CNFN: variants seen among roughly 807,000 people sequenced by gnomAD.
CNFN encodes the protein cornifelin, also known as cornefied envelope protein cornefilin.
A neutral mutation model predicts 14.9 loss-of-function variants in CNFN; 10 were observed. The observed-to-expected ratio is 0.67, with a 90% CI of 0.41 to 1.14. The LOEUF (loss-of-function observed/expected upper bound fraction) is 1.14, where lower values mean the gene tolerates loss of function less well. Among genes scored for constraint, CNFN ranks in the 50% most tolerant of loss-of-function variants. CNFN has a pLI of 0.00. For synonymous variants in CNFN, 66 were observed against 60.0 expected (o/e 1.10, Z -0.46); for missense variants, 165 against 152.8 (o/e 1.08, Z -0.42).
chr19:42,388,301 C>G (rs1019830214), intron 2 of CNFN, among the ~76,000 whole-genome samples: 1 of 151,870 alleles, frequency 6.6e-6, no homozygotes, highest in African/African-American at 2.4e-5. Flanking sequence ...TCAATCAATT[C>G]TCTTTCTCAG....
At chr19:42,389,488 C>G in intron 1 of CNFN, 1 of 1,290,930 alleles carries the variant, frequency 7.7e-7, no homozygotes, top group South Asian at 1.2e-5. Flanking sequence ...AGCGGTCCCA[C>G]CTTTGCCTTT....
chr19:42,389,967 C>A (rs1015359336), intron 1 of CNFN, among the ~76,000 whole-genome samples: 1 of 152,212 alleles, frequency 6.6e-6, no homozygotes, highest in African/African-American at 2.4e-5. Context: ...CACTGAGGCT[C>A]AGAGACATGA....
intron 2 of CNFN, 87 bp downstream of exon 2, chr19:42,388,839 G>C (rs2039875718): frequency 1.1e-6 from 1 of 900,916 alleles, no homozygotes; most frequent in African/African-American, 1.6e-5. Flanking sequence ...CAAGCGGTGG[G>C]AGGAGGTTGG....
chr19:42,387,257 A>C lies in CNFN; in HGVS notation c.250-15T>G, dbSNP rs1469679092. 1 of 1,612,050 alleles carries C rather than the reference A, an allele frequency of 6.2e-7. No individual in the cohort carries two copies. Among genetic ancestry groups the C allele is most frequent in the Non-Finnish European group, 8.5e-7 (1 of 1,178,848 alleles). ...CCGACGGAGCCCTAGAGGGTAGGAG[A>C]GAGCGGTCAGGAGCCCCGCGGTGGG... is the stretch of plus-strand genomic sequence containing the variant. On this transcript the variant is annotated splice_polypyrimidine_tract_variant and intron_variant, in intron 3 of 3. Coordinates refer to ENST00000222032, the MANE Select transcript of CNFN (RefSeq NM_032488.4).
In CNFN at chr19:42,389,052, G is replaced by A. The variant is rs1296606944; in HGVS notation, c.-2-13C>T. On this transcript the variant is annotated splice_polypyrimidine_tract_variant and intron_variant, in intron 1 of 3. Transcript: ENST00000222032. Reference sequence around the variant, plus strand: ...GGGTAGGACATAGCTGCAGAGGTGGGAGGGTAGGGGTCAGCTGGCAGCCTC... The same window carrying A: ...GGGTAGGACATAGCTGCAGAGGTGGAAGGGTAGGGGTCAGCTGGCAGCCTC... 5.0e-6 allele frequency: 8 copies of A among 1,588,138 alleles called. No homozygotes were observed. The highest frequency in any genetic ancestry group is 5.2e-6 in the Non-Finnish European group (6 of 1,158,076).
chr19:42,387,959 G>A lies in CNFN; in HGVS notation c.113-483C>T, dbSNP rs2039867022. On this transcript the variant is annotated intron_variant, in intron 2 of 3. Coordinates refer to ENST00000222032, the MANE Select transcript of CNFN (RefSeq NM_032488.4). ...TGTGCCATTGCATTCCAGCCTGGGC[G>A]ACAGAGCAATACTCCGTCTCAAAAA... Among the ~76,000 whole-genome samples, 6 of 125,312 alleles carry A rather than the reference G, an allele frequency of 4.8e-5. No individual in the cohort carries two copies. In the Admixed American group the frequency reaches 6.0e-4, roughly 12 times the overall value. 82.2% of individuals were successfully genotyped at this position (125,312 alleles called of 152,430 possible).
rs1256524834 is a variant in CNFN, at chr19:42,387,379, G to A, written c.210C>T (p.His70=). The A allele has an allele frequency of 6.2e-7, 1 of 1,600,604 alleles. No homozygotes were observed. Among genetic ancestry groups the A allele is most frequent in the African/African-American group, 1.3e-5 (1 of 74,638 alleles). The stretch of plus-strand genomic sequence containing the variant: ...GCTCCCGCATGCCGGTGCGGATGGA[G>A]TGCAGGCCTCCGGGCAGGTAGGGCG... ...CCAPYLPGGL[H]SIRTGMRERY... is the part of the protein sequence containing the mutation. The change falls in exon 3 of 4, where the codon CAC becomes CAT. Residue 70 remains histidine (H), a synonymous_variant. Transcript: ENST00000222032.
Position 42,388,994 on chromosome 19 carries a change from C to G in CNFN, c.44G>C (p.Ser15Thr). 1 of 1,613,910 alleles carries G rather than the reference C, an allele frequency of 6.2e-7. No individual in the cohort carries two copies. The highest frequency in any genetic ancestry group is 8.5e-7 in the Non-Finnish European group (1 of 1,180,002). Residue 15 changes from serine to threonine, a missense_variant, in exon 2 of 4, where the codon AGC (serine) becomes ACC (threonine). Coordinates refer to ENST00000222032, the MANE Select transcript of CNFN (RefSeq NM_032488.4). ...VTSQPQCATT[S>T]CYQTQLSDWH... Reference sequence around the variant, plus strand: ...GTCACTGAGCTGGGTCTGGTAGCAGCTGGTGGTGGCGCACTGGGGCTGACT... The same window carrying G: ...GTCACTGAGCTGGGTCTGGTAGCAGGTGGTGGTGGCGCACTGGGGCTGACT...
At chr19:42,387,539 G>C (rs927353808) in intron 2 of CNFN, 63 bp from the exon 3 acceptor site, 5 of 1,337,490 alleles carry the variant, frequency 3.7e-6, no homozygotes, top group African/African-American at 1.5e-5. Flanking sequence ...CTCCGCCCCG[G>C]GGGGGGCGCG....
Position 42,387,438 on chromosome 19 carries a change from G to C in CNFN, c.151C>G (p.Arg51Gly), listed in dbSNP as rs201779388. ...CACTCGCCAAAGTCGTCGGAGATGC[G>C]GCAGGCAAGGCACAGAGGAGCAAAA... The part of the protein sequence containing the change: ...GTFAPLCLAC[R>G]ISDDFGECCC... The change falls in exon 3 of 4, where the codon CGC (arginine) becomes GGC (glycine). Residue 51 changes from arginine (R) to glycine (G), a missense_variant. Arg to Gly is a moderately radical substitution (Grantham distance 125). Coordinates refer to ENST00000222032, the MANE Select transcript of CNFN (RefSeq NM_032488.4). 1 of 1,597,872 alleles carries C rather than the reference G, an allele frequency of 6.3e-7. No individual in the cohort carries two copies.
chr19:42,389,469 GGTCCACCCA>G, intron 1 of CNFN: 1 of 1,291,742 alleles, frequency 7.7e-7, no homozygotes, highest in Non-Finnish European at 1.0e-6. Flanking sequence ...GAGGGTTGCT[GGTCCACCCA>G]GCGGTCCCAC....
At chr19:42,389,640 A>T (rs2039883243) in intron 1 of CNFN, 2 of 327,192 alleles carry the variant, frequency 6.1e-6, no homozygotes, top group Non-Finnish European at 1.0e-5. Flanking sequence ...GGACTGGGGC[A>T]CTGGGGGCTG....
chr19:42,389,434 G>T (rs2039881309), intron 1 of CNFN: 1 of 1,278,344 alleles, frequency 7.8e-7, no homozygotes, highest in African/African-American at 1.5e-5. Flanking sequence ...CCCAGGGGAG[G>T]GAGGCGGCCA....
rs1568585956 is a variant in CNFN, at chr19:42,388,005, A to AAAAAC, written c.113-530_113-529insGTTTT. Reference sequence around the variant, plus strand: ...AAAAAAAACAAAAAACAAAACAAAAAAAAAAACGAAAGAAAGAAAAAAAAA... The same window carrying AAAAAC: ...AAAAAAAACAAAAAACAAAACAAAAAAAAACAAAAAACGAAAGAAAGAAAAAAAAA... On this transcript the variant is annotated intron_variant, in intron 2 of 3. Coordinates refer to ENST00000222032, the MANE Select transcript of CNFN (RefSeq NM_032488.4). Among the ~76,000 whole-genome samples, 180 of 143,684 alleles carry AAAAAC rather than the reference A, an allele frequency of 1.3e-3. 3 individuals are homozygous for AAAAAC. The highest frequency in any genetic ancestry group is 4.9e-3 in the African/African-American group (177 of 36,232). 94.3% of individuals were successfully genotyped at this position (143,684 alleles called of 152,430 possible).
At chr19:42,389,927 A>T (rs1319934380) in intron 1 of CNFN, among the ~76,000 whole-genome samples, 1 of 152,124 alleles carries the variant, frequency 6.6e-6, no homozygotes, top group East Asian at 1.9e-4. Context: ...CAGCACTTTG[A>T]CTCCTCTGCA....
At chr19:42,387,674 C>CTTTT (rs1303771648) in intron 2 of CNFN, among the ~76,000 whole-genome samples, 198 bp from the exon 3 acceptor site, 1 of 127,874 alleles carries the variant, frequency 7.8e-6, no homozygotes, top group Non-Finnish European at 1.7e-5. Flanking sequence ...TTTTTTTCTT[C>CTTTT]TTTTTTTTTT....
At chr19:42,387,693 A>C (rs1454370297) in intron 2 of CNFN, among the ~76,000 whole-genome samples, 1 of 146,530 alleles carries the variant, frequency 6.8e-6, no homozygotes, top group Admixed American at 6.7e-5. Flanking sequence ...TTTTTTTAGA[A>C]ATTGGAGGCT....
chr19:42,389,691 T>A, intron 1 of CNFN: 1 of 433,716 alleles, frequency 2.3e-6, no homozygotes. Flanking sequence ...AGAGGCCAAG[T>A]CAGCCTGTCA....
intron 2 of CNFN, among the ~76,000 whole-genome samples, chr19:42,388,050 C>T (rs964535968): frequency 2.6e-5 from 4 of 151,246 alleles, no homozygotes; most frequent in East Asian, 3.9e-4. Flanking sequence ...ATTAAAGTCT[C>T]GGTCTGTCAT....
Sources: allele counts gnomAD v4.1 joint callset (sites outside exome capture counted in the v4.1 genomes callset), GRCh38; gene constraint gnomAD v4.1.1; transcripts MANE v1.5; gene names NCBI Gene and HGNC (gene_info 2026-07-23, HGNC 2026-07-21).